SLC20A2: variants seen among roughly 807,000 people sequenced by gnomAD.
SLC20A2 encodes the protein sodium-dependent phosphate transporter 2.
SLC20A2 carries 30 observed loss-of-function variants against 61.0 expected under a neutral mutation model. That is an observed-to-expected ratio of 0.49 (90% CI 0.37 to 0.67). The LOEUF is 0.67. Among genes scored for constraint, SLC20A2 ranks in the 30% least tolerant of loss-of-function variants. The probability of loss-of-function intolerance (pLI) is 0.00; values close to 1 mark genes in which losing one functional copy is unlikely to be tolerated. For missense variants in SLC20A2, 626 were observed against 866.4 expected (o/e 0.72, Z 3.48); for synonymous variants, 351 against 353.3 (o/e 0.99, Z 0.07).
At chr8:42,528,021 G>A (rs1336291908) in intron 1 of SLC20A2, among the ~76,000 whole-genome samples, 1 of 152,094 alleles carries the variant, frequency 6.6e-6, no homozygotes, top group Non-Finnish European at 1.5e-5. Flanking sequence ...ATACCTTTCT[G>A]TATTACCTGA....
intron 5 of SLC20A2, among the ~76,000 whole-genome samples, chr8:42,455,389 G>A (rs1806118176): frequency 1.3e-5 from 2 of 151,670 alleles, no homozygotes; most frequent in East Asian, 1.9e-4. Context: ...GGCTGGGCGC[G>A]GTGGCTCACG....
chr8:42,422,155 C>T (rs1318297417), intron 10 of SLC20A2, among the ~76,000 whole-genome samples: 4 of 152,254 alleles, frequency 2.6e-5, no homozygotes, highest in African/African-American at 9.6e-5. Context: ...TGGGTTCAAG[C>T]GATTCTCCTG....
chr8:42,447,460 A>C (rs374566739), intron 5 of SLC20A2, among the ~76,000 whole-genome samples: 2 of 152,088 alleles, frequency 1.3e-5, no homozygotes, highest in Non-Finnish European at 2.9e-5. Flanking sequence ...GGCAGATCAC[A>C]AGGTCAGGAG....
intron 9 of SLC20A2, among the ~76,000 whole-genome samples, 188 bp downstream of exon 9, chr8:42,429,876 C>T (rs1324976796): frequency 1.3e-5 from 2 of 152,112 alleles, no homozygotes; most frequent in South Asian, 2.1e-4. Flanking sequence ...GGCTGGGGGC[C>T]GGGCACAGTA....
intron 5 of SLC20A2, among the ~76,000 whole-genome samples, chr8:42,458,042 C>T (rs1450041556): frequency 1.3e-5 from 2 of 152,144 alleles, no homozygotes; most frequent in Non-Finnish European, 2.9e-5. Flanking sequence ...GAAATTTCAT[C>T]TTTAAAACAC....
chr8:42,426,781 T>G (rs1288871121), intron 10 of SLC20A2, among the ~76,000 whole-genome samples: 4 of 152,160 alleles, frequency 2.6e-5, no homozygotes, highest in Non-Finnish European at 5.9e-5. Flanking sequence ...CTTGCTTTAG[T>G]GTAGGTTAAT....
At chr8:42,528,238 G>T (rs538199498) in intron 1 of SLC20A2, among the ~76,000 whole-genome samples, 50 of 152,278 alleles carry the variant, frequency 3.3e-4, no homozygotes, top group African/African-American at 1.1e-3. Flanking sequence ...GAGGCAGGCA[G>T]ATCACGAGGT....
intron 6 of SLC20A2, among the ~76,000 whole-genome samples, chr8:42,441,752 C>T (rs1804801587): frequency 6.6e-6 from 1 of 151,828 alleles, no homozygotes; most frequent in African/African-American, 2.4e-5. Context: ...TAGTCGTGTG[C>T]CACTGCGCCT....
At chr8:42,521,502 C>G (rs1811621532) in intron 1 of SLC20A2, among the ~76,000 whole-genome samples, 1 of 119,602 alleles carries the variant, frequency 8.4e-6, no homozygotes, top group Admixed American at 8.4e-5. Context: ...TATTTTTTTT[C>G]TTCTTGAGAC....
intron 1 of SLC20A2, among the ~76,000 whole-genome samples, chr8:42,525,674 C>T (rs116382883): frequency 0.018 from 2,700 of 151,406 alleles, 36 homozygotes; most frequent in Middle Eastern, 0.038. Flanking sequence ...CTGAAGACTG[C>T]TTATCACAGT....
chr8:42,497,285 G>C (rs1175770262), intron 1 of SLC20A2, among the ~76,000 whole-genome samples: 2 of 152,170 alleles, frequency 1.3e-5, no homozygotes, highest in Non-Finnish European at 2.9e-5. Flanking sequence ...TTGGCATCCA[G>C]ATTGCCCATT....
At chr8:42,481,545 C>G (rs897554165) in intron 1 of SLC20A2, among the ~76,000 whole-genome samples, 2 of 152,106 alleles carry the variant, frequency 1.3e-5, no homozygotes, top group African/African-American at 4.8e-5. Context: ...AGAATGGACT[C>G]ACAAGAATGC....
chr8:42,444,829 G>C (rs1805082226), intron 5 of SLC20A2, 67 bp from the exon 6 acceptor site: 2 of 1,122,400 alleles, frequency 1.8e-6, no homozygotes, highest in South Asian at 2.5e-5. Flanking sequence ...TCAGGGCGGT[G>C]GACTTCCCAC....
intron 8 of SLC20A2, among the ~76,000 whole-genome samples, chr8:42,431,211 T>C (rs528409169): frequency 1.3e-5 from 2 of 152,342 alleles, no homozygotes; most frequent in Admixed American, 1.3e-4. Flanking sequence ...GGAAAGCTTC[T>C]TGAAGGAAAT....
chr8:42,422,242 G>A (rs1445223400), intron 10 of SLC20A2, among the ~76,000 whole-genome samples: 3 of 152,066 alleles, frequency 2.0e-5, no homozygotes, highest in Non-Finnish European at 1.5e-5. Flanking sequence ...TAGTAGAGAC[G>A]GGGTTTTGCC....
chr8:42,501,391 T>C (rs535003679), upstream of SLC20A2: 1 of 152,356 alleles, frequency 6.6e-6, no homozygotes, highest in African/African-American at 2.4e-5. Context: ...TTTTAAGTTG[T>C]TTTTGCAAGT....
chr8:42,430,938 C>A lies in SLC20A2; in HGVS notation c.1524-689G>T, dbSNP rs1172939434. 2.0e-5 allele frequency among the ~76,000 whole-genome samples: 3 copies of A among 152,100 alleles called. 1 individual carries two copies. Among genetic ancestry groups the A allele is most frequent in the Admixed American group, 2.0e-4 (3 of 15,262 alleles). On this transcript the variant is annotated intron_variant, in intron 8 of 10. Transcript: ENST00000520262. ...ACTGATAAATGCTGTGTGTGTTCTC[C>A]CTGCTCCACTGACCGGCCACTGCCT... is the stretch of plus-strand genomic sequence containing the variant.
intron 1 of SLC20A2, among the ~76,000 whole-genome samples, chr8:42,486,304 T>C (rs1809008244): frequency 6.6e-6 from 1 of 152,066 alleles, no homozygotes; most frequent in Admixed American, 6.6e-5. Flanking sequence ...CACTGCAGCC[T>C]TGATCCTCCT....
chr8:42,530,840 C>A (rs1812274358), intron 1 of SLC20A2, among the ~76,000 whole-genome samples: 1 of 152,122 alleles, frequency 6.6e-6, no homozygotes, highest in Admixed American at 6.6e-5. Context: ...TTCAGCCTCC[C>A]CAGTAGCTGG....
Sources: allele counts gnomAD v4.1 joint callset (sites outside exome capture counted in the v4.1 genomes callset), GRCh38; gene constraint gnomAD v4.1.1; transcripts MANE v1.5; gene names NCBI Gene and HGNC (gene_info 2026-07-23, HGNC 2026-07-21).